UBE2D1: variants seen among roughly 807,000 people sequenced by gnomAD.
The protein encoded by UBE2D1 is ubiquitin-conjugating enzyme E2 D1.
Under a neutral mutation model 24.6 loss-of-function variants are expected in UBE2D1, and 9 were observed. That is an observed-to-expected ratio of 0.37 (90% CI 0.22 to 0.64). The LOEUF (loss-of-function observed/expected upper bound fraction) is 0.64. Among genes scored for constraint, UBE2D1 ranks in the 30% least tolerant of loss-of-function variants. The pLI, the probability that UBE2D1 is intolerant of heterozygous loss-of-function variation, is 0.64. For synonymous variants in UBE2D1, 57 were observed against 57.6 expected, an observed-to-expected ratio of 0.99 and a Z score of 0.04; for missense variants, 87 against 177.1, an observed-to-expected ratio of 0.49 and a Z score of 2.89.
chr10:58,335,247 G>T (rs1354318211), intron 1 of UBE2D1, 22 bp downstream of exon 1: 33 of 1,521,166 alleles, frequency 2.2e-5, no homozygotes, highest in Non-Finnish European at 2.6e-5. Flanking sequence ...GGCCGGGCCT[G>T]GGGCTGCGGG....
chr10:58,336,473 G>A (rs1839904493), intron 1 of UBE2D1, among the ~76,000 whole-genome samples: 1 of 152,182 alleles, frequency 6.6e-6, no homozygotes, highest in Non-Finnish European at 1.5e-5. Flanking sequence ...GCAACTTTTA[G>A]AGCCTGCCAG....
chr10:58,358,103 T>A (rs889840495), intron 1 of UBE2D1, among the ~76,000 whole-genome samples: 6 of 152,150 alleles, frequency 3.9e-5, no homozygotes, highest in Admixed American at 6.5e-5. Flanking sequence ...TGAATATGGT[T>A]CAAGGCTGTT....
intron 1 of UBE2D1, among the ~76,000 whole-genome samples, chr10:58,335,737 C>T (rs561468731): frequency 5.9e-5 from 9 of 152,368 alleles, no homozygotes; most frequent in Non-Finnish European, 1.2e-4. Flanking sequence ...GCGGTTGGCT[C>T]TTGCTCAGTT....
intron 1 of UBE2D1, among the ~76,000 whole-genome samples, chr10:58,355,373 CT>C (rs1236422072): frequency 6.6e-6 from 1 of 152,112 alleles, no homozygotes; most frequent in Non-Finnish European, 1.5e-5. Context: ...AGGAGCTGTG[CT>C]TTTAGAAGAT....
chr10:58,347,056 G>T (rs542564422), intron 1 of UBE2D1, among the ~76,000 whole-genome samples: 6 of 152,240 alleles, frequency 3.9e-5, no homozygotes, highest in Non-Finnish European at 8.8e-5. Flanking sequence ...CTGTTATCCA[G>T]TCTGGTCCCA....
rs115218071 is a variant in UBE2D1 at position 58,355,259 on chromosome 10, G to T, written c.25-6079G>T. Reference sequence around the variant, plus strand: ...AGTTTGTGAAGGGGAACCCAAATAAGAGTGTAGGTTTGGGACTAGATAATG... The same window carrying T: ...AGTTTGTGAAGGGGAACCCAAATAATAGTGTAGGTTTGGGACTAGATAATG... On this transcript the variant is annotated intron_variant, in intron 1 of 6. Transcript: ENST00000373910. 5.3e-5 allele frequency among the ~76,000 whole-genome samples: 8 copies of T among 152,272 alleles called. No individual in the cohort carries two copies. In the South Asian group the frequency reaches 1.0e-3, roughly 20 times the overall value.
At chr10:58,341,665 A>G (rs1564557572) in intron 1 of UBE2D1, among the ~76,000 whole-genome samples, 1 of 152,244 alleles carries the variant, frequency 6.6e-6, no homozygotes, top group Non-Finnish European at 1.5e-5. Context: ...TGCCTCCAGG[A>G]AAGCAAAATA....
At chr10:58,341,451 C>T (rs1487216360) in intron 1 of UBE2D1, among the ~76,000 whole-genome samples, 3 of 152,192 alleles carry the variant, frequency 2.0e-5, no homozygotes, top group East Asian at 1.9e-4. Context: ...TGTAATTAAG[C>T]TCAGTCTTTC....
At position 58,347,287 on chromosome 10, in the gene UBE2D1, T is replaced by C. The variant is rs528587700; in HGVS notation, c.24+12062T>C. 3.9e-5 allele frequency among the ~76,000 whole-genome samples: 6 copies of C among 152,330 alleles called. No homozygotes were observed. The East Asian group carries it at 1.2e-3, about 29-fold the overall frequency. ...GTGGGATGTGAAGAGAAGAATTAGATGGTAACTCCAAGGTTTAGAGTTTGA... is the reference window on the plus strand; with the variant it reads ...GTGGGATGTGAAGAGAAGAATTAGACGGTAACTCCAAGGTTTAGAGTTTGA... On this transcript the variant is annotated intron_variant, in intron 1 of 6. Transcript: ENST00000373910.
At chr10:58,364,708 C>A in intron 4 of UBE2D1, 63 bp from the exon 5 acceptor site, 1 of 1,261,532 alleles carries the variant, frequency 7.9e-7, no homozygotes, top group Non-Finnish European at 1.1e-6. Flanking sequence ...CAAATTGGTT[C>A]TGTTTTATTC....
intron 6 of UBE2D1, 107 bp downstream of exon 6, chr10:58,368,123 A>G: frequency 1.3e-6 from 1 of 774,356 alleles, no homozygotes; most frequent in Non-Finnish European, 2.1e-6. Flanking sequence ...TGGTTGTTAT[A>G]TGTATATTGT....
chr10:58,358,496 G>C (rs1840157308), intron 1 of UBE2D1, among the ~76,000 whole-genome samples: 1 of 152,174 alleles, frequency 6.6e-6, no homozygotes, highest in Non-Finnish European at 1.5e-5. Flanking sequence ...AGAATTGGAA[G>C]GCTGTCAGTT....
chr10:58,335,235 G>A lies in UBE2D1; in HGVS notation c.24+10G>A, dbSNP rs1329755150. 1.3e-6 allele frequency: 2 copies of A among 1,536,940 alleles called. No homozygotes were observed. The highest frequency in any genetic ancestry group is 1.4e-5 in the African/African-American group (1 of 70,766). ...GAAGAGGATTCAGAAAGTGAGTGCC[G>A]GGGCCGGGCCTGGGGCTGCGGGGCA... On this transcript the variant is annotated intron_variant, in intron 1 of 6. Coordinates refer to ENST00000373910, the MANE Select transcript of UBE2D1 (RefSeq NM_003338.5).
chr10:58,367,682 AT>A (rs2132335141), intron 5 of UBE2D1, among the ~76,000 whole-genome samples: 1 of 152,306 alleles, frequency 6.6e-6, no homozygotes, highest in South Asian at 2.1e-4. Flanking sequence ...GGAACTCGGA[AT>A]TTAAAACTTC....
intron 1 of UBE2D1, among the ~76,000 whole-genome samples, chr10:58,350,676 T>C (rs1263976736): frequency 1.3e-5 from 2 of 152,218 alleles, no homozygotes; most frequent in African/African-American, 2.4e-5. Context: ...TCTCTGCCTT[T>C]ATGGGGTTTT....
chr10:58,345,197 C>T (rs1051141195), intron 1 of UBE2D1, among the ~76,000 whole-genome samples: 1 of 152,000 alleles, frequency 6.6e-6, no homozygotes, highest in Non-Finnish European at 1.5e-5. Context: ...CAGTGCTGGG[C>T]ACGTGGCTCA....
At chr10:58,355,030 G>T (rs1260755844) in intron 1 of UBE2D1, among the ~76,000 whole-genome samples, 1 of 152,076 alleles carries the variant, frequency 6.6e-6, no homozygotes, top group Non-Finnish European at 1.5e-5. Flanking sequence ...ATGACAGCTG[G>T]ATTCTCACAT....
At chr10:58,341,275 C>G (rs546460232) in intron 1 of UBE2D1, among the ~76,000 whole-genome samples, 2 of 152,218 alleles carry the variant, frequency 1.3e-5, no homozygotes, top group East Asian at 1.9e-4. Flanking sequence ...GTAAACTGTT[C>G]ATATTATGAG....
At chr10:58,356,503 G>A (rs368279255) in intron 1 of UBE2D1, among the ~76,000 whole-genome samples, 6 of 151,882 alleles carry the variant, frequency 4.0e-5, no homozygotes, top group Admixed American at 3.9e-4. Context: ...GGACCTTTAG[G>A]TTATTTCAGT....
Sources: allele counts gnomAD v4.1 joint callset (sites outside exome capture counted in the v4.1 genomes callset), GRCh38; gene constraint gnomAD v4.1.1; transcripts MANE v1.5; gene names NCBI Gene and HGNC (gene_info 2026-07-23, HGNC 2026-07-21).